Variants in MACROD2 observed in about 807,000 individuals in gnomAD.
MACROD2 encodes mono-ADP ribosylhydrolase 2.
MACROD2 carries 36 observed loss-of-function variants against 70.4 expected under a neutral mutation model. The observed-to-expected ratio is 0.51, with a 90% CI of 0.39 to 0.68. The LOEUF (loss-of-function observed/expected upper bound fraction) is 0.68. MACROD2 is among the 30% of genes least tolerant of loss of function. The pLI is 0.00. For missense variants in MACROD2, 496 were observed against 538.4 expected (o/e 0.92, Z 0.78); for synonymous variants, 172 against 178.8 (o/e 0.96, Z 0.30).
chr20:14,431,238 G>A (rs1248087115), intron 3 of MACROD2, among the ~76,000 whole-genome samples: 2 of 152,070 alleles, frequency 1.3e-5, no homozygotes, highest in African/African-American at 2.4e-5. Flanking sequence ...TCCTTATTGT[G>A]TATGCAAGGA....
intron 5 of MACROD2, among the ~76,000 whole-genome samples, chr20:15,130,536 A>C (rs773049462): frequency 2.4e-4 from 37 of 152,134 alleles, no homozygotes; most frequent in Middle Eastern, 3.2e-3. Flanking sequence ...TAAGGGTGGC[A>C]GTCTTCTTGC....
chr20:16,018,111 A>C (rs1293888926), intron 15 of MACROD2, among the ~76,000 whole-genome samples: 1 of 152,218 alleles, frequency 6.6e-6, no homozygotes, highest in East Asian at 1.9e-4. Flanking sequence ...AATATGGAGC[A>C]CAGAAGGTAA....
At chr20:14,913,923 G>A (rs2074059212) in intron 5 of MACROD2, among the ~76,000 whole-genome samples, 1 of 152,138 alleles carries the variant, frequency 6.6e-6, no homozygotes. Context: ...TTTGAATACA[G>A]CTTGGTCCTG....
At chr20:14,262,752 A>T (rs2082111253) in intron 3 of MACROD2, among the ~76,000 whole-genome samples, 1 of 152,218 alleles carries the variant, frequency 6.6e-6, no homozygotes, top group East Asian at 1.9e-4. Flanking sequence ...AATCAACTGC[A>T]CAGAGAAGTC....
intron 8 of MACROD2, among the ~76,000 whole-genome samples, chr20:15,526,808 C>T (rs1230140199): frequency 6.6e-6 from 1 of 152,086 alleles, no homozygotes; most frequent in African/African-American, 2.4e-5. Flanking sequence ...AGAGGATGCC[C>T]TTCTTTCCTA....
At chr20:15,909,856 T>C (rs1017723960) in intron 10 of MACROD2, among the ~76,000 whole-genome samples, 1 of 152,006 alleles carries the variant, frequency 6.6e-6, no homozygotes, top group Non-Finnish European at 1.5e-5. Context: ...TGGAAGTCCT[T>C]TGGGGTTCAG....
chr20:15,869,265 A>AGAGAGAGAGAGAGCGAGC (rs1322416478), intron 9 of MACROD2, among the ~76,000 whole-genome samples: 5 of 141,900 alleles, frequency 3.5e-5, no homozygotes, highest in African/African-American at 1.3e-4. Context: ...AGAGAGAGAG[A>AGAGAGAGAGAGAGCGAGC]GAGCAATGCT....
At chr20:14,855,059 G>C (rs968013545) in intron 5 of MACROD2, among the ~76,000 whole-genome samples, 9 of 152,114 alleles carry the variant, frequency 5.9e-5, no homozygotes, top group African/African-American at 2.2e-4. Flanking sequence ...GTATAAAGTG[G>C]TTATTTAAAT....
intron 5 of MACROD2, among the ~76,000 whole-genome samples, chr20:14,692,018 C>T (rs1018903516): frequency 6.6e-5 from 10 of 152,136 alleles, no homozygotes; most frequent in African/African-American, 2.4e-4. Context: ...CAGTTTCATA[C>T]ATTTAATCTC....
At chr20:15,362,200 C>T (rs551472589) in intron 6 of MACROD2, among the ~76,000 whole-genome samples, 97 of 151,912 alleles carry the variant, frequency 6.4e-4, no homozygotes, top group African/African-American at 2.0e-3. Context: ...TTAGTAGAGA[C>T]GGGGTTTCAC....
chr20:15,225,264 A>G (rs923833410), intron 5 of MACROD2, among the ~76,000 whole-genome samples: 2 of 152,184 alleles, frequency 1.3e-5, no homozygotes, highest in African/African-American at 4.8e-5. Flanking sequence ...TATATGTGTA[A>G]TGATATAAGC....
chr20:14,000,286 A>G (rs571132780), intron 1 of MACROD2, among the ~76,000 whole-genome samples: 7 of 151,604 alleles, frequency 4.6e-5, no homozygotes, highest in African/African-American at 1.7e-4. Flanking sequence ...CTTAAACTCA[A>G]TTTTTGTGAA....
chr20:14,192,244 C>G (rs1367645574), intron 3 of MACROD2, among the ~76,000 whole-genome samples: 2 of 151,960 alleles, frequency 1.3e-5, no homozygotes, highest in Admixed American at 6.6e-5. Context: ...GTTTCTCCTA[C>G]TAACCTAAAC....
intron 5 of MACROD2, among the ~76,000 whole-genome samples, chr20:15,209,858 A>G (rs186592328): frequency 1.3e-3 from 205 of 152,336 alleles, no homozygotes; most frequent in African/African-American, 4.8e-3. Flanking sequence ...TTCAGTTCCT[A>G]AGAGGATGGT....
intron 4 of MACROD2, among the ~76,000 whole-genome samples, chr20:14,623,364 G>A (rs541052822): frequency 1.3e-5 from 2 of 152,144 alleles, no homozygotes; most frequent in Non-Finnish European, 2.9e-5. Context: ...GTTCAAAGTG[G>A]TTGGAACAGA....
intron 3 of MACROD2, among the ~76,000 whole-genome samples, chr20:14,280,608 C>G (rs755076589): frequency 3.3e-5 from 5 of 152,162 alleles, no homozygotes; most frequent in Non-Finnish European, 7.4e-5. Flanking sequence ...GACACAGGCA[C>G]ATTTAGCCCA....
intron 4 of MACROD2, among the ~76,000 whole-genome samples, chr20:14,533,873 G>A (rs2085334695): frequency 6.6e-6 from 1 of 152,132 alleles, no homozygotes; most frequent in Non-Finnish European, 1.5e-5. Flanking sequence ...ATACTTTAAT[G>A]TGTCCACATG....
intron 8 of MACROD2, among the ~76,000 whole-genome samples, chr20:15,683,694 T>G (rs1463986219): frequency 6.6e-6 from 1 of 152,108 alleles, no homozygotes; most frequent in Non-Finnish European, 1.5e-5. Context: ...TTCTCCTGCC[T>G]TAGCCTCCTG....
chr20:14,374,585 T>C (rs2083355148), intron 3 of MACROD2, among the ~76,000 whole-genome samples: 1 of 152,192 alleles, frequency 6.6e-6, no homozygotes, highest in Non-Finnish European at 1.5e-5. Flanking sequence ...ATATTCTTTT[T>C]CTGATAGAAA....
Sources: allele counts gnomAD v4.1 joint callset (sites outside exome capture counted in the v4.1 genomes callset), GRCh38; gene constraint gnomAD v4.1.1; transcripts MANE v1.5; gene names NCBI Gene and HGNC (gene_info 2026-07-23, HGNC 2026-07-21).